QSOX1: variants seen among roughly 807,000 people sequenced by gnomAD.
QSOX1 encodes quiescin sulfhydryl oxidase 1, also known as sulfhydryl oxidase 1.
In QSOX1, 40 loss-of-function variants were observed where a neutral mutation model predicts 76.1. That is an observed-to-expected ratio of 0.53 (90% confidence interval 0.41 to 0.68). The LOEUF (loss-of-function observed/expected upper bound fraction) is 0.68. Among genes scored for constraint, QSOX1 ranks in the 30% least tolerant of loss-of-function variants. QSOX1 has a pLI of 0.00. For missense variants in QSOX1, 931 were observed against 974.3 expected (o/e 0.96, Z 0.59); for synonymous variants, 392 against 413.1 (o/e 0.95, Z 0.62).
rs1662732790 is a variant in QSOX1 at position 180,170,409 on chromosome 1, C to T, written c.366+3818C>T. ...AATATCTGGAGGCTGGACCATTTTCCTTAAAACGTTATAAAAGCTGGAATT... is the reference window on the plus strand; with the variant it reads ...AATATCTGGAGGCTGGACCATTTTCTTTAAAACGTTATAAAAGCTGGAATT... On this transcript the variant is annotated intron_variant, in intron 2 of 11. Transcript: ENST00000367602. Among the ~76,000 whole-genome samples, 3 of 152,250 alleles carry T rather than the reference C, an allele frequency of 2.0e-5. No individual in the cohort carries two copies. The South Asian group carries it at 6.2e-4, about 32-fold the overall frequency.
intron 3 of QSOX1, 80 bp from the exon 4 acceptor site, chr1:180,175,851 C>T: frequency 8.7e-7 from 1 of 1,143,658 alleles, no homozygotes; most frequent in Non-Finnish European, 1.3e-6. Context: ...CCCTTTGTTT[C>T]TGGGAGTGAA....
rs1488935274 is a variant in QSOX1, at chr1:180,198,168, G to A, written c.*1131G>A. 2.2e-6 allele frequency: 1 copy of A among 456,668 alleles called. No homozygotes were observed. Among genetic ancestry groups the A allele is most frequent in the Non-Finnish European group, 4.4e-6 (1 of 226,906 alleles). 28.3% of individuals were successfully genotyped at this position (456,668 alleles called of 1,614,324 possible). On this transcript the variant is annotated 3_prime_UTR_variant, in exon 12 of 12. Transcript: ENST00000367602. The stretch of plus-strand genomic sequence containing the variant: ...CACACACAGCTCCTGGCCACAGACT[G>A]CCCATAGAACTGTCTGCACCCAAAC...
intron 2 of QSOX1, among the ~76,000 whole-genome samples, chr1:180,168,147 A>G (rs142422478): frequency 6.6e-6 from 1 of 152,372 alleles, no homozygotes; most frequent in Non-Finnish European, 1.5e-5. Flanking sequence ...GCAGGGATGA[A>G]GGAGGCGGCC....
At position 180,196,350 on chromosome 1, in the gene QSOX1, G is replaced by A; in HGVS notation, c.1557G>A (p.Val519=). ...CCTGCCACAATGAACGCCTGGATGT[G>A]CCCGTGTGGGACGTGGAAGCCACCC... ...CSACHNERLD[V]PVWDVEATLN... The change falls in exon 12 of 12, where the codon GTG becomes GTA. Residue 519 remains valine (V), a synonymous_variant. Coordinates refer to ENST00000367602, the MANE Select transcript of QSOX1 (RefSeq NM_002826.5). This position sits in a 1 kb window ranked among gnomAD's most constrained non-coding sequence, Gnocchi z 4.1. 1.2e-6 allele frequency: 2 copies of A among 1,614,170 alleles called. No individual in the cohort carries two copies. The highest frequency in any genetic ancestry group is 2.2e-5 in the South Asian group (2 of 91,080).
chr1:180,198,400 C>T lies in QSOX1; in HGVS notation c.*1363C>T, dbSNP rs984783361. 2.2e-6 allele frequency: 1 copy of T among 456,694 alleles called. No individual in the cohort carries two copies. The highest frequency in any genetic ancestry group is 4.4e-6 in the Non-Finnish European group (1 of 226,952). The allele number at this position is 456,694 out of a possible 1,614,324, so 28.3% of individuals were successfully genotyped here. The stretch of plus-strand genomic sequence containing the variant: ...TGGCCACTCGGTGGGGAGGAGTCAG[C>T]CAGGATTAGAGAGCCTGCCCCTAAT... On this transcript the variant is annotated 3_prime_UTR_variant, in exon 12 of 12. Coordinates refer to ENST00000367602, the MANE Select transcript of QSOX1 (RefSeq NM_002826.5).
Position 180,202,770 on chromosome 1 carries a change from C to T in QSOX1, c.*5733C>T, listed in dbSNP as rs1472718657. On this transcript the variant is annotated 3_prime_UTR_variant, in exon 12 of 12. Transcript: ENST00000367602. ...AATGCAACTGATGTGAGTAATCCAT[C>T]TACTTGACGTCACTTTTAAGAAATA... is the stretch of plus-strand genomic sequence containing the variant. The T allele has an allele frequency of 6.6e-6, 1 of 151,698 alleles. No homozygotes were observed. The highest frequency in any genetic ancestry group is 2.4e-5 in the African/African-American group (1 of 41,294). 9.4% of individuals were successfully genotyped at this position (151,698 alleles called of 1,614,324 possible). A position where few individuals can be genotyped will look rare whatever the true frequency, so the allele number is the denominator to read the frequency against.
At position 180,197,986 on chromosome 1, in the gene QSOX1, AC is replaced by A. The variant is rs548547598; in HGVS notation, c.*954del. The A allele has an allele frequency of 7.3e-5, 26 of 358,566 alleles. No homozygotes were observed. In the East Asian group the frequency reaches 1.9e-3, roughly 26 times the overall value. 22.2% of individuals were successfully genotyped at this position (358,566 alleles called of 1,614,324 possible). On this transcript the variant is annotated 3_prime_UTR_variant, in exon 12 of 12. Coordinates refer to ENST00000367602, the MANE Select transcript of QSOX1 (RefSeq NM_002826.5). ...CTTACACATGCTTGATTCCCACGCTACCCCCTGCCTTGGGAGGTGTGTGGAA... is the reference window on the plus strand; with the variant it reads ...CTTACACATGCTTGATTCCCACGCTACCCCTGCCTTGGGAGGTGTGTGGAA...
At chr1:180,164,601 C>T (rs113719638) in intron 1 of QSOX1, among the ~76,000 whole-genome samples, 8 of 152,322 alleles carry the variant, frequency 5.3e-5, no homozygotes, top group South Asian at 2.1e-4. Flanking sequence ...TCCAGGGATG[C>T]GTCAGGGTGT....
chr1:180,186,205 T>G (rs1244203478), intron 8 of QSOX1, 23 bp downstream of exon 8: 1 of 1,601,720 alleles, frequency 6.2e-7, no homozygotes, highest in East Asian at 2.2e-5. Flanking sequence ...ATGGCTTCCC[T>G]TGTCTGTGCA....
chr1:180,182,544 C>T (rs1024693340), intron 6 of QSOX1, among the ~76,000 whole-genome samples: 8 of 152,172 alleles, frequency 5.3e-5, no homozygotes, highest in Non-Finnish European at 1.2e-4. Context: ...TCAAAGGCCT[C>T]AGCCCCCCGC....
intron 1 of QSOX1, among the ~76,000 whole-genome samples, chr1:180,157,812 T>A (rs938832861): frequency 3.9e-5 from 6 of 152,228 alleles, no homozygotes; most frequent in Admixed American, 6.5e-5. Flanking sequence ...ATTTGTTGAG[T>A]GATAAGCATT....
Position 180,186,102 on chromosome 1 carries a change from C to T in QSOX1, c.937C>T (p.Arg313Trp), listed in dbSNP as rs1047353611. Residue 313 changes from arginine to tryptophan, a missense_variant, in exon 8 of 12, where the codon CGG (arginine) becomes TGG (tryptophan). Transcript: ENST00000367602. ...DLESALHYIL[R>W]IEVGRFPVLE... ...GGAATCTGCACTGCACTACATCCTG[C>T]GGATAGAAGTGGGCAGGTTCCCGGT... The T allele has an allele frequency of 4.3e-6, 7 of 1,614,036 alleles. No individual in the cohort carries two copies. The highest frequency in any genetic ancestry group is 1.6e-4 in the Middle Eastern group (1 of 6,080).
chr1:180,189,524 T>A, intron 8 of QSOX1, 28 bp from the exon 9 acceptor site: 1 of 1,455,104 alleles, frequency 6.9e-7, no homozygotes, highest in Non-Finnish European at 9.3e-7. Context: ...CTTTTCACTC[T>A]CCAGCTTCCG....
In QSOX1 at chr1:180,175,347, C is replaced by T. The variant is rs777259253; in HGVS notation, c.393C>T (p.Gly131=). The change falls in exon 3 of 12, where the codon GGC becomes GGT. Residue 131 remains glycine (G), a synonymous_variant. Transcript: ENST00000367602. ...TCTTCAAGGCCTTTACCAAGAACGG[C>T]TCGGGAGCAGTATTTCCAGGTGGGT... ...VRFFKAFTKN[G]SGAVFPVAGA... The T allele has an allele frequency of 6.2e-6, 10 of 1,613,960 alleles. No individual in the cohort carries two copies. The highest frequency in any genetic ancestry group is 1.1e-5 in the South Asian group (1 of 91,084).
In QSOX1 at chr1:180,191,380, C is replaced by G. The variant is rs527808306; in HGVS notation, c.1288+800C>G. ...CATTGGGAAGGGGCCCGAGGCCTTA[C>G]GGGGTGAGTTGAGGGGTGATGGGTG... On this transcript the variant is annotated intron_variant, in intron 10 of 11. Coordinates refer to ENST00000367602, the MANE Select transcript of QSOX1 (RefSeq NM_002826.5). 2.6e-5 allele frequency among the ~76,000 whole-genome samples: 4 copies of G among 152,094 alleles called. No individual in the cohort carries two copies. In the East Asian group the frequency reaches 5.8e-4, roughly 22 times the overall value.
intron 5 of QSOX1, among the ~76,000 whole-genome samples, chr1:180,181,960 C>G (rs941465520): frequency 7.9e-5 from 12 of 152,248 alleles, no homozygotes; most frequent in African/African-American, 2.9e-4. Flanking sequence ...AAGGCCTCTC[C>G]TCCTGGGCAG....
intron 2 of QSOX1, among the ~76,000 whole-genome samples, chr1:180,173,672 T>G (rs1378743360): frequency 6.6e-6 from 1 of 152,112 alleles, no homozygotes; most frequent in African/African-American, 2.4e-5. Flanking sequence ...GGCTTCCAGA[T>G]TTTCTGCCTA....
chr1:180,185,132 A>C (rs1205681617), intron 7 of QSOX1, among the ~76,000 whole-genome samples: 1 of 152,200 alleles, frequency 6.6e-6, no homozygotes, highest in Non-Finnish European at 1.5e-5. Context: ...AACACAGAGG[A>C]GACCTTGCCC....
exon 12 of QSOX1, chr1:180,204,026 CTGAA>C (rs1381826529): frequency 6.6e-6 from 1 of 152,038 alleles, no homozygotes; most frequent in African/African-American, 2.4e-5. Flanking sequence ...GGCCTAAAGA[CTGAA>C]TGAGAGATGC....
Sources: allele counts gnomAD v4.1 joint callset (sites outside exome capture counted in the v4.1 genomes callset), GRCh38; gene constraint gnomAD v4.1.1; non-coding constraint Gnocchi (gnomAD v3.1); transcripts MANE v1.5; gene names NCBI Gene and HGNC (gene_info 2026-07-23, HGNC 2026-07-21).